The following PPP6R1 variants were observed in gnomAD, a reference collection of about 807,000 sequenced individuals.
The protein encoded by PPP6R1 is serine/threonine-protein phosphatase 6 regulatory subunit 1.
Under a neutral mutation model 104.6 loss-of-function variants are expected in PPP6R1, and 39 were observed. That is an observed-to-expected ratio of 0.37 (90% CI 0.29 to 0.49). The LOEUF (loss-of-function observed/expected upper bound fraction) is 0.49. Among genes scored for constraint, PPP6R1 ranks in the 20% least tolerant of loss-of-function variants. The pLI, the probability that PPP6R1 is intolerant of heterozygous loss-of-function variation, is 0.98. For synonymous variants in PPP6R1, 549 were observed against 479.0 expected (o/e 1.15, Z -1.91); for missense variants, 1,181 against 1,155.8 (o/e 1.02, Z -0.32).
intron 1 of PPP6R1, among the ~76,000 whole-genome samples, chr19:55,252,978 G>A (rs1161442796): frequency 2.6e-5 from 4 of 152,154 alleles, no homozygotes; most frequent in African/African-American, 4.8e-5. Flanking sequence ...CCCAGCGTCC[G>A]CAGAGCTGAT....
intron 1 of PPP6R1, among the ~76,000 whole-genome samples, chr19:55,251,708 AG>A (rs1266202363): frequency 6.6e-6 from 1 of 152,146 alleles, no homozygotes; most frequent in Non-Finnish European, 1.5e-5. Context: ...CCGCTTGACA[AG>A]GAATGCGACA....
chr19:55,229,645 C>G (rs764525905), downstream of PPP6R1: 1 of 152,288 alleles, frequency 6.6e-6, no homozygotes, highest in African/African-American at 2.4e-5. Flanking sequence ...CCTGGGGCCT[C>G]TGCAGCCACA....
chr19:55,242,664 T>C, intron 5 of PPP6R1, 176 bp from the exon 6 acceptor site: 1 of 618,736 alleles, frequency 1.6e-6, no homozygotes, highest in Non-Finnish European at 2.9e-6. Flanking sequence ...GGGAAGATGG[T>C]GGAGAGAACA....
intron 1 of PPP6R1, among the ~76,000 whole-genome samples, chr19:55,254,129 G>C (rs1382268296): frequency 6.6e-6 from 1 of 152,342 alleles, no homozygotes; most frequent in East Asian, 1.9e-4. Context: ...ATTTGCCTAA[G>C]TGACTCAAGT....
Position 55,258,632 on chromosome 19 carries a change from C to G in PPP6R1, c.-204G>C. 1 of 149,804 alleles carries G rather than the reference C, an allele frequency of 6.7e-6. No individual in the cohort carries two copies. The allele number at this position is 149,804 out of a possible 1,614,324, so 9.3% of individuals were successfully genotyped here. ...TCGTGGGGTCCTCGCGCGCCGGGTC[C>G]TGCAGAGTTGAGGGGGTCAGCGCCG... is the stretch of plus-strand genomic sequence containing the variant. On this transcript the variant is annotated 5_prime_UTR_variant, in exon 1 of 24. Coordinates refer to ENST00000412770, the MANE Select transcript of PPP6R1 (RefSeq NM_014931.4).
chr19:55,237,010 G>A, intron 15 of PPP6R1, 40 bp from the exon 16 acceptor site: 2 of 1,554,348 alleles, frequency 1.3e-6, no homozygotes, highest in Non-Finnish European at 1.8e-6. Flanking sequence ...GGTCCACCTG[G>A]GGGTGGGGGC....
chr19:55,252,694 C>A lies in PPP6R1; in HGVS notation c.-6-5585G>T, dbSNP rs1252027126. ...GGATTACAGGCATGAATCACCACGC[C>A]CGGCCTAATTTTTGCATTTTTTTAG... On this transcript the variant is annotated intron_variant, in intron 1 of 23. Transcript: ENST00000412770. Among the ~76,000 whole-genome samples the A allele has an allele frequency of 5.9e-5, 9 of 151,980 alleles. No homozygotes were observed. The East Asian group carries it at 1.7e-3, about 29-fold the overall frequency.
chr19:55,230,275 C>T lies in PPP6R1; in HGVS notation c.*253G>A, dbSNP rs372880717. ...TATAATATATAATATATGTTTCTCT[C>T]TCTCCATTCTCTCTATTTGACTCTC... On this transcript the variant is annotated 3_prime_UTR_variant, in exon 24 of 24. Coordinates refer to ENST00000412770, the MANE Select transcript of PPP6R1 (RefSeq NM_014931.4). 6 of 580,772 alleles carry T rather than the reference C, an allele frequency of 1.0e-5. No homozygotes were observed. Among genetic ancestry groups the T allele is most frequent in the East Asian group, 2.8e-5 (1 of 35,392 alleles). 36.0% of individuals were successfully genotyped at this position (580,772 alleles called of 1,614,324 possible). A position where few individuals can be genotyped will look rare whatever the true frequency, so the allele number is the denominator to read the frequency against.
chr19:55,232,060 C>A lies in PPP6R1; in HGVS notation c.2125+15G>T. On this transcript the variant is annotated intron_variant, in intron 18 of 23. Transcript: ENST00000412770. Reference sequence around the variant, plus strand: ...CAGCCCTGTGTACACCTGACCACACCGCCCATTCATTCACCTGGAGGCTGA... The same window carrying A: ...CAGCCCTGTGTACACCTGACCACACAGCCCATTCATTCACCTGGAGGCTGA... 1 of 1,612,038 alleles carries A rather than the reference C, an allele frequency of 6.2e-7. No individual in the cohort carries two copies. The highest frequency in any genetic ancestry group is 8.5e-7 in the Non-Finnish European group (1 of 1,179,170).
rs2087399600 is a variant in PPP6R1, at chr19:55,236,498, G to GA, written c.1988+144dup. 28 of 907,834 alleles carry GA rather than the reference G, an allele frequency of 3.1e-5. No individual in the cohort carries two copies. In the South Asian group the frequency reaches 5.1e-4, roughly 17 times the overall value. 56.2% of individuals were successfully genotyped at this position (907,834 alleles called of 1,614,324 possible). A position where few individuals can be genotyped will look rare whatever the true frequency, so the allele number is the denominator to read the frequency against. ...AATTAGATTTCTATCACTCAAAAGT[G>GA]AAAGTGCCCCCAACTAATACACACA... is the stretch of plus-strand genomic sequence containing the variant. On this transcript the variant is annotated intron_variant, in intron 17 of 23. Coordinates refer to ENST00000412770, the MANE Select transcript of PPP6R1 (RefSeq NM_014931.4).
At chr19:55,240,333 G>A (rs373588882) in intron 10 of PPP6R1, 33 bp from the exon 11 acceptor site, 33 of 1,566,186 alleles carry the variant, frequency 2.1e-5, no homozygotes, top group Middle Eastern at 1.7e-4. Context: ...GGCCTGGAGG[G>A]GTGGTCTGCA....
rs2087403373 is a variant in PPP6R1 at position 55,236,830 on chromosome 19, C to G, written c.1810-9G>C. 2 of 1,613,844 alleles carry G rather than the reference C, an allele frequency of 1.2e-6. No individual in the cohort carries two copies. Among genetic ancestry groups the G allele is most frequent in the Non-Finnish European group, 1.7e-6 (2 of 1,179,782 alleles). ...AGTAGGTTGGCGTTGGGCTGCAGGGCACAGGGGTGGGAGGATGGGCCACAC... is the reference window on the plus strand; with the variant it reads ...AGTAGGTTGGCGTTGGGCTGCAGGGGACAGGGGTGGGAGGATGGGCCACAC... On this transcript the variant is annotated splice_polypyrimidine_tract_variant and intron_variant, in intron 16 of 23. Coordinates refer to ENST00000412770, the MANE Select transcript of PPP6R1 (RefSeq NM_014931.4).
intron 1 of PPP6R1, among the ~76,000 whole-genome samples, chr19:55,253,673 T>C (rs557744033): frequency 1.3e-5 from 2 of 152,318 alleles, no homozygotes; most frequent in African/African-American, 4.8e-5. Flanking sequence ...TATCAGGCTC[T>C]AAACAGAATG....
Position 55,240,951 on chromosome 19 carries a change from C to T in PPP6R1, c.1290G>A (p.Val430=), listed in dbSNP as rs574498440. ...CCAGGGAGTCCCAGCTCACATGTTT[C>T]ACAACAGGGTTTTGGATGGGCGTCT... ...SPETPIQNPV[V]KHLLQQCRLV... Residue 430 remains valine (V), a synonymous_variant, in exon 10 of 24, where the codon GTG becomes GTA. Coordinates refer to ENST00000412770, the MANE Select transcript of PPP6R1 (RefSeq NM_014931.4). The T allele has an allele frequency of 1.0e-5, 16 of 1,605,972 alleles. No homozygotes were observed. In the South Asian group the frequency reaches 1.8e-4, roughly 18 times the overall value.
intron 1 of PPP6R1, among the ~76,000 whole-genome samples, chr19:55,248,827 A>T (rs1361678655): frequency 2.0e-5 from 3 of 152,218 alleles, no homozygotes; most frequent in African/African-American, 7.2e-5. Flanking sequence ...ACATGGCCTC[A>T]GGCAGGTCGA....
At chr19:55,253,306 C>G (rs564346350) in intron 1 of PPP6R1, among the ~76,000 whole-genome samples, 2 of 152,356 alleles carry the variant, frequency 1.3e-5, no homozygotes, top group Non-Finnish European at 1.5e-5. Flanking sequence ...GTGCCCTGGT[C>G]TCTAAACAAC....
intron 16 of PPP6R1, 30 bp downstream of exon 16, chr19:55,236,883 G>A (rs775900940): frequency 7.4e-6 from 12 of 1,611,732 alleles, no homozygotes; most frequent in Admixed American, 6.7e-5. Context: ...CCCTCCACCC[G>A]CCACAACCAG....
At position 55,255,357 on chromosome 19, in the gene PPP6R1, G is replaced by C. The variant is rs147948898; in HGVS notation, c.-7+3078C>G. On this transcript the variant is annotated intron_variant, in intron 1 of 23. Transcript: ENST00000412770. Reference sequence around the variant, plus strand: ...AAATAGCTCTTTGGAAAAACAGAAAGGGGCAGAGTTAGGGTTACAGTGTGA... The same window carrying C: ...AAATAGCTCTTTGGAAAAACAGAAACGGGCAGAGTTAGGGTTACAGTGTGA... Among the ~76,000 whole-genome samples, 19 of 152,306 alleles carry C rather than the reference G, an allele frequency of 1.2e-4. No individual in the cohort carries two copies. In the East Asian group the frequency reaches 3.7e-3, roughly 29 times the overall value.
At position 55,231,972 on chromosome 19, in the gene PPP6R1, C is replaced by A; in HGVS notation, c.2136G>T (p.Trp712Cys). The A allele has an allele frequency of 6.3e-7, 1 of 1,598,738 alleles. No homozygotes were observed. Residue 712 changes from tryptophan (W) to cysteine (C), a missense_variant, in exon 19 of 24, where the codon TGG (tryptophan) becomes TGT (cysteine). Trp to Cys is a radical substitution (Grantham distance 215, BLOSUM62 -2). Around this residue, in one of 2 missense-constraint regions of PPP6R1, gnomAD observed 1,042 missense variants for 955.6 expected, o/e 1.09. Transcript: ENST00000412770. ...TAGGCACTGGGTCAAAGGTGGCTGT[C>A]CAGCTGGGGCCTGGGATAGAGGTGG... ...SPGPQPPGPSWTATFDPVPTD... is the reference protein window; with the variant it reads ...SPGPQPPGPSCTATFDPVPTD...
Sources: allele counts gnomAD v4.1 joint callset (sites outside exome capture counted in the v4.1 genomes callset), GRCh38; gene constraint gnomAD v4.1.1; regional missense constraint gnomAD v4.1.1; transcripts MANE v1.5; gene names NCBI Gene and HGNC (gene_info 2026-07-23, HGNC 2026-07-21).